UBR4: variants seen among roughly 807,000 people sequenced by gnomAD.
UBR4 encodes ubiquitin protein ligase E3 component n-recognin 4.
UBR4 carries 124 observed loss-of-function variants against 575.6 expected under a neutral mutation model. That is an observed-to-expected ratio of 0.22 (90% confidence interval 0.19 to 0.25). UBR4 has a LOEUF of 0.25. UBR4 is among the 10% of genes least tolerant of loss of function. The pLI, the probability that UBR4 is intolerant of heterozygous loss-of-function variation, is 1.00. For synonymous variants in UBR4, 2,455 were observed against 2,473.7 expected (o/e 0.99, Z 0.22); for missense variants, 4,818 against 6,478.8 (o/e 0.74, Z 8.80).
Position 19,099,590 on chromosome 1 carries a change from C to A in UBR4, c.13302+7G>T, listed in dbSNP as rs769750915. On this transcript the variant is annotated splice_region_variant and intron_variant, in intron 90 of 105. Transcript: ENST00000375254. ...CCACACCTCCAAACGAGAAAGCAGG[C>A]ACATACCTCATTCGTGGTACACCAG... 1.2e-6 allele frequency: 2 copies of A among 1,612,986 alleles called. No individual in the cohort carries two copies. Among genetic ancestry groups the A allele is most frequent in the Non-Finnish European group, 1.7e-6 (2 of 1,179,280 alleles).
chr1:19,161,425 T>C (rs2087350355), intron 37 of UBR4, among the ~76,000 whole-genome samples, 164 bp downstream of exon 37: 2 of 152,216 alleles, frequency 1.3e-5, no homozygotes, highest in African/African-American at 4.8e-5. Flanking sequence ...TCTGATATTC[T>C]AAATGAAGTC....
At chr1:19,138,672 T>TA (rs111564240) in intron 59 of UBR4, among the ~76,000 whole-genome samples, 10 of 151,156 alleles carry the variant, frequency 6.6e-5, no homozygotes, top group Non-Finnish European at 1.3e-4. Context: ...TAAGATCGCT[T>TA]AAAAAAAAAC....
intron 49 of UBR4, among the ~76,000 whole-genome samples, chr1:19,149,593 T>C (rs755221543): frequency 1.3e-5 from 2 of 152,066 alleles, no homozygotes; most frequent in Non-Finnish European, 2.9e-5. Context: ...CGATCTTCCA[T>C]ATACTCCATT....
rs1395957362 is a variant in UBR4 at position 19,088,914 on chromosome 1, C to T, written c.14275G>A (p.Gly4759Ser). ...HKLEQVSSDE[G>S]IGTLAENLLE... Reference sequence around the variant, plus strand: ...AGGTTCTCTGCCAAGGTCCCAATGCCCTCATCACTGGACACCTGCTCCAGC... The same window carrying T: ...AGGTTCTCTGCCAAGGTCCCAATGCTCTCATCACTGGACACCTGCTCCAGC... Residue 4759 changes from glycine (G) to serine (S), a missense_variant, in exon 98 of 106, where the codon GGC becomes AGC. This residue lies in a region of UBR4 where 196 missense variants were observed against 386.8 expected (regional missense o/e 0.51). Coordinates refer to ENST00000375254, the MANE Select transcript of UBR4 (RefSeq NM_020765.3). The surrounding 1 kb of genome is among the most constrained non-coding windows in gnomAD (Gnocchi z 4.0). 4.3e-6 allele frequency: 7 copies of T among 1,614,104 alleles called. No homozygotes were observed. Among genetic ancestry groups the T allele is most frequent in the African/African-American group, 1.3e-5 (1 of 74,916 alleles).
chr1:19,197,458 G>A (rs566171921), intron 7 of UBR4, among the ~76,000 whole-genome samples, 193 bp from the exon 8 acceptor site: 19 of 152,164 alleles, frequency 1.2e-4, no homozygotes, highest in South Asian at 4.2e-4. Flanking sequence ...GCAAAACCCC[G>A]ACTCTACAAA....
At position 19,177,442 on chromosome 1, in the gene UBR4, A is replaced by T. The variant is rs78463695; in HGVS notation, c.2637+19T>A. On this transcript the variant is annotated intron_variant, in intron 19 of 105. Coordinates refer to ENST00000375254, the MANE Select transcript of UBR4 (RefSeq NM_020765.3). ...GTTCTCAGTAATGGTGAAGCAAAAA[A>T]GAACGTGTTGGTCTGTACCTGCTCA... is the stretch of plus-strand genomic sequence containing the variant. 0.027 allele frequency: 43,121 copies of T among 1,603,716 alleles called. 730 individuals carry two copies. Among genetic ancestry groups the T allele is most frequent in the South Asian group, 0.06 (5,458 of 90,754 alleles).
chr1:19,141,708 C>A lies in UBR4; in HGVS notation c.8249G>T (p.Gly2750Val). The A allele has an allele frequency of 6.2e-7, 1 of 1,614,212 alleles. No individual in the cohort carries two copies. Among genetic ancestry groups the A allele is most frequent in the Non-Finnish European group, 8.5e-7 (1 of 1,180,042 alleles). Residue 2750 changes from glycine (G) to valine (V), a missense_variant, in exon 56 of 106, where the codon GGT becomes GTT. This residue lies in a region of UBR4 where 129 missense variants were observed against 198.4 expected (regional missense o/e 0.65). Coordinates refer to ENST00000375254, the MANE Select transcript of UBR4 (RefSeq NM_020765.3). ...TTCCTGGCTTTCCTGACGGATGTGA[C>A]CACCATTCGGGATCCCTGATGACTG... ...KMQSSGIPNG[G>V]HIRQESQEQS... is the part of the protein sequence containing the mutation.
chr1:19,173,091 G>C lies in UBR4; in HGVS notation c.3294C>G (p.Ile1098Met). ...TACAGTCGATACTACAGAAGGATGA[G>C]ATCTTTAAAAATATGCAAAATATAA... ...EIVEEYFARQ[I>M]SSFCSIDCTT... The change falls in exon 25 of 106, where the codon ATC (isoleucine) becomes ATG (methionine). Residue 1098 changes from isoleucine to methionine, a missense_variant and splice_region_variant. Ile to Met is a conservative substitution (Grantham distance 10). This residue lies in a region of UBR4 where 1,172 missense variants were observed against 1,259.7 expected (regional missense o/e 0.93). Transcript: ENST00000375254. 2 of 1,613,930 alleles carry C rather than the reference G, an allele frequency of 1.2e-6. No individual in the cohort carries two copies. The highest frequency in any genetic ancestry group is 1.7e-6 in the Non-Finnish European group (2 of 1,179,788).
At chr1:19,121,880 T>C in intron 67 of UBR4, 54 bp downstream of exon 67, 4 of 1,600,710 alleles carry the variant, frequency 2.5e-6, no homozygotes, top group African/African-American at 1.3e-5. Context: ...TAGTAGGCCT[T>C]AACAGTTCCT....
intron 105 of UBR4, among the ~76,000 whole-genome samples, chr1:19,076,416 C>T (rs1006625828): frequency 6.6e-6 from 1 of 152,224 alleles, no homozygotes; most frequent in African/African-American, 2.4e-5. Context: ...CTTATTTGAT[C>T]TTCAGAGCCT....
intron 1 of UBR4, among the ~76,000 whole-genome samples, chr1:19,204,298 G>A (rs906315295): frequency 6.6e-6 from 1 of 152,092 alleles, no homozygotes; most frequent in African/African-American, 2.4e-5. Context: ...TCCACGCCTG[G>A]CCCCACCCTT....
intron 39 of UBR4, among the ~76,000 whole-genome samples, chr1:19,159,666 G>A (rs1000899748): frequency 5.4e-5 from 8 of 149,242 alleles, no homozygotes; most frequent in South Asian, 2.1e-4. Flanking sequence ...GCAGTGCTAC[G>A]ATCTCAGCTC....
chr1:19,097,766 G>A (rs1311165830), intron 90 of UBR4, among the ~76,000 whole-genome samples: 1 of 152,102 alleles, frequency 6.6e-6, no homozygotes, highest in Non-Finnish European at 1.5e-5. Flanking sequence ...TTAAATCAAA[G>A]AGCTTTGACT....
intron 102 of UBR4, 145 bp from the exon 103 acceptor site, chr1:19,081,718 C>A: frequency 1.2e-6 from 1 of 866,980 alleles, no homozygotes; most frequent in Non-Finnish European, 2.0e-6. Flanking sequence ...CCATCCTTGC[C>A]GACTACTCCC....
At chr1:19,180,765 A>G (rs1250150185) in intron 17 of UBR4, among the ~76,000 whole-genome samples, 1 of 152,026 alleles carries the variant, frequency 6.6e-6, no homozygotes, top group Non-Finnish European at 1.5e-5. Flanking sequence ...AGCCACAAAA[A>G]TGAGTTAACA....
intron 67 of UBR4, among the ~76,000 whole-genome samples, 160 bp from the exon 68 acceptor site, chr1:19,121,594 G>A (rs1352418811): frequency 6.6e-6 from 1 of 152,146 alleles, no homozygotes; most frequent in African/African-American, 2.4e-5. Context: ...TACTTTCTGT[G>A]GAAATCTCTG....
intron 57 of UBR4, 141 bp downstream of exon 57, chr1:19,141,206 G>C (rs982302266): frequency 1.5e-4 from 172 of 1,141,628 alleles, no homozygotes; most frequent in Non-Finnish European, 1.9e-4. Context: ...CTCTCCACCT[G>C]TATCTCTGAA....
rs1009468581 is a variant in UBR4 at position 19,197,048 on chromosome 1, G to T, written c.1018+93C>A. 33 of 1,455,262 alleles carry T rather than the reference G, an allele frequency of 2.3e-5. No individual in the cohort carries two copies. In the African/African-American group the frequency reaches 4.4e-4, roughly 19 times the overall value. 90.1% of individuals were successfully genotyped at this position (1,455,262 alleles called of 1,614,324 possible). ...ATCCTTGAGAGAAGGAAGCAAGGGGGATGAGTAGAGTATTCAGGAGGATTT... is the reference window on the plus strand; with the variant it reads ...ATCCTTGAGAGAAGGAAGCAAGGGGTATGAGTAGAGTATTCAGGAGGATTT... On this transcript the variant is annotated intron_variant, in intron 8 of 105. Transcript: ENST00000375254.
At chr1:19,163,902 C>A in intron 33 of UBR4, 75 bp from the exon 34 acceptor site, 1 of 1,485,446 alleles carries the variant, frequency 6.7e-7, no homozygotes, top group African/African-American at 1.4e-5. Context: ...GAGGCATCTT[C>A]ATTAACTTTG....
Sources: gnomAD v4.1 joint callset for allele counts (sites outside exome capture counted in the v4.1 genomes callset) on GRCh38, gnomAD v4.1.1 for gene constraint, gnomAD v4.1.1 regional missense constraint, Gnocchi (gnomAD v3.1) non-coding constraint, MANE v1.5 for transcripts, NCBI Gene and HGNC (gene_info 2026-07-23, HGNC 2026-07-21) for gene names.